The following KCNH1 variants were observed in gnomAD, a reference collection of about 807,000 sequenced individuals.
The protein encoded by KCNH1 is potassium voltage-gated channel subfamily H member 1, also known as voltage-gated delayed rectifier potassium channel KCNH1.
A neutral mutation model predicts 69.2 loss-of-function variants in KCNH1; 27 were observed. The ratio of observed to expected loss-of-function variants is 0.39; its 90% CI spans 0.29 to 0.54. The LOEUF (loss-of-function observed/expected upper bound fraction) is 0.54. KCNH1 is among the 20% of genes least tolerant of loss of function. KCNH1 has a pLI of 0.68. For synonymous variants in KCNH1, 456 were observed against 487.7 expected (o/e 0.93, Z 0.86); for missense variants, 798 against 1,261.6 (o/e 0.63, Z 5.57).
At chr1:211,051,933 T>A (rs1387043127) in intron 5 of KCNH1, among the ~76,000 whole-genome samples, 4 of 151,870 alleles carry the variant, frequency 2.6e-5, no homozygotes, top group African/African-American at 7.3e-5. Context: ...TCCAAATCTC[T>A]CTCTTTGCAC....
At chr1:210,736,545 CCT>C (rs1245596764) in intron 10 of KCNH1, among the ~76,000 whole-genome samples, 22 of 151,698 alleles carry the variant, frequency 1.5e-4, no homozygotes, top group African/African-American at 4.3e-4. Context: ...CTCCATCCCC[CCT>C]CCAAAAAAAA....
At chr1:211,020,567 G>C (rs538689071) in intron 5 of KCNH1, among the ~76,000 whole-genome samples, 10 of 152,004 alleles carry the variant, frequency 6.6e-5, no homozygotes, top group African/African-American at 2.4e-4. Context: ...AAGTTTTAAA[G>C]AAGAACTAGT....
At chr1:210,999,489 C>T (rs1425814918) in intron 6 of KCNH1, among the ~76,000 whole-genome samples, 1 of 152,112 alleles carries the variant, frequency 6.6e-6, no homozygotes, top group Non-Finnish European at 1.5e-5. Context: ...CTGAATAGAC[C>T]AATAACAGGC....
intron 7 of KCNH1, among the ~76,000 whole-genome samples, chr1:210,821,053 T>C (rs1112269): frequency 0.22 from 33,310 of 152,174 alleles, 4,068 homozygotes; most frequent in East Asian, 0.49. Flanking sequence ...AATCATACCA[T>C]CTTAAGTTTT....
intron 3 of KCNH1, among the ~76,000 whole-genome samples, chr1:211,099,623 A>C (rs1334749293): frequency 6.6e-6 from 1 of 151,760 alleles, no homozygotes; most frequent in Non-Finnish European, 1.5e-5. Context: ...TGACGCCCTC[A>C]CTTTGCATCA....
chr1:210,860,428 A>G, intron 7 of KCNH1: 1 of 977,334 alleles, frequency 1.0e-6, no homozygotes, highest in Middle Eastern at 3.1e-4. Context: ...TACACTAAGA[A>G]GTGTGTCAAT....
At chr1:211,030,548 A>C (rs556199065) in intron 5 of KCNH1, among the ~76,000 whole-genome samples, 3 of 152,236 alleles carry the variant, frequency 2.0e-5, no homozygotes, top group Non-Finnish European at 4.4e-5. Context: ...ACAAGTGGAC[A>C]TCAATAAGCC....
chr1:210,741,405 G>T (rs1934629), intron 10 of KCNH1, among the ~76,000 whole-genome samples: 124,274 of 152,024 alleles, frequency 0.82, 50,842 homozygotes, highest in East Asian at 0.88. Context: ...CCATTCCTCC[G>T]TGGCAGTCTT....
At chr1:210,969,648 C>G (rs1316296791) in intron 6 of KCNH1, among the ~76,000 whole-genome samples, 1 of 152,112 alleles carries the variant, frequency 6.6e-6, no homozygotes, top group Non-Finnish European at 1.5e-5. Flanking sequence ...GTTGTTTGGT[C>G]TGAGCCTTCT....
At chr1:210,753,715 T>G (rs1235482283) in intron 10 of KCNH1, among the ~76,000 whole-genome samples, 1 of 152,214 alleles carries the variant, frequency 6.6e-6, no homozygotes, top group Non-Finnish European at 1.5e-5. Flanking sequence ...GTGCATTACA[T>G]GTACTTTCTA....
chr1:210,735,033 C>T (rs1682839490), intron 10 of KCNH1, among the ~76,000 whole-genome samples: 1 of 152,158 alleles, frequency 6.6e-6, no homozygotes, highest in Non-Finnish European at 1.5e-5. Flanking sequence ...GTCCGTCATG[C>T]CTTGGGCCCC....
intron 1 of KCNH1, among the ~76,000 whole-genome samples, chr1:211,123,813 A>G (rs1057042915): frequency 2.0e-5 from 3 of 152,038 alleles, no homozygotes; most frequent in African/African-American, 7.2e-5. Context: ...GACATGAGAG[A>G]CTGAGGGGAG....
At chr1:210,850,334 C>T (rs1338379349) in intron 7 of KCNH1, among the ~76,000 whole-genome samples, 1 of 151,456 alleles carries the variant, frequency 6.6e-6, no homozygotes, top group African/African-American at 2.4e-5. Flanking sequence ...CCAGTCTCTA[C>T]TGAAGAAAAA....
Position 210,921,512 on chromosome 1 carries a change from T to C in KCNH1, c.1033-1443A>G, listed in dbSNP as rs995838959. Among the ~76,000 whole-genome samples the C allele has an allele frequency of 2.6e-5, 4 of 152,228 alleles. No individual in the cohort carries two copies. The East Asian group carries it at 7.7e-4, about 29-fold the overall frequency. On this transcript the variant is annotated intron_variant, in intron 6 of 10. Coordinates refer to ENST00000271751, the MANE Select transcript of KCNH1 (RefSeq NM_172362.3). ...AGTTATGTCACAGACAGAAGGAAAA[T>C]GTACACAAGCTTTTTGATGAACCTA...
chr1:211,003,920 C>T (rs1689232884), intron 6 of KCNH1, among the ~76,000 whole-genome samples: 1 of 151,884 alleles, frequency 6.6e-6, no homozygotes, highest in South Asian at 2.1e-4. Flanking sequence ...AGTGAAACCC[C>T]GTCTCTACTA....
intron 7 of KCNH1, among the ~76,000 whole-genome samples, chr1:210,821,654 C>G (rs1343208580): frequency 1.3e-5 from 2 of 151,950 alleles, no homozygotes; most frequent in Non-Finnish European, 2.9e-5. Flanking sequence ...GGGTGGATTT[C>G]ACAACTGGCT....
At chr1:210,881,884 G>C (rs1238962326) in intron 7 of KCNH1, among the ~76,000 whole-genome samples, 1 of 152,196 alleles carries the variant, frequency 6.6e-6, no homozygotes, top group Non-Finnish European at 1.5e-5. Flanking sequence ...AGAAGGATGA[G>C]AGGGATGAAT....
At chr1:210,762,073 C>T (rs1437482370) in intron 10 of KCNH1, among the ~76,000 whole-genome samples, 1 of 151,986 alleles carries the variant, frequency 6.6e-6, no homozygotes, top group Non-Finnish European at 1.5e-5. Flanking sequence ...TCCAAATGAA[C>T]TCTTAAAACT....
chr1:211,009,478 G>A (rs556461963), intron 6 of KCNH1, among the ~76,000 whole-genome samples: 2 of 152,290 alleles, frequency 1.3e-5, no homozygotes, highest in African/African-American at 4.8e-5. Context: ...CAAGTGAGGA[G>A]TGGGCAAGAG....
Sources: gnomAD v4.1 joint callset for allele counts (sites outside exome capture counted in the v4.1 genomes callset) on GRCh38, gnomAD v4.1.1 for gene constraint, MANE v1.5 for transcripts, NCBI Gene and HGNC (gene_info 2026-07-23, HGNC 2026-07-21) for gene names.